SYTL5: variants seen among roughly 807,000 people sequenced by gnomAD.
SYTL5 encodes synaptotagmin like 5.
Under a neutral mutation model 55.9 loss-of-function variants are expected in SYTL5, and 34 were observed. The observed-to-expected ratio is 0.61, with a 90% confidence interval of 0.46 to 0.81. The LOEUF (loss-of-function observed/expected upper bound fraction) is 0.81. Among genes scored for constraint, SYTL5 ranks in the 30% least tolerant of loss-of-function variants. SYTL5 has a pLI of 0.00. For missense variants in SYTL5, 637 were observed against 546.7 expected (o/e 1.17, Z -1.65); for synonymous variants, 221 against 188.7 (o/e 1.17, Z -1.40).
At chrX:38,010,793 AGTTT>A (rs1288460368) in intron 1 of SYTL5, among the ~76,000 whole-genome samples, 4 of 111,854 alleles carry the variant, frequency 3.6e-5, no homozygotes, top group Admixed American at 9.5e-5. Flanking sequence ...CTTGGAGATT[AGTTT>A]GTTTGATTGT....
chrX:37,905,239 G>A, the SYTL5 span, among the ~76,000 whole-genome samples: 1 of 110,783 alleles, frequency 9.0e-6, no homozygotes, highest in African/African-American at 3.3e-5. Flanking sequence ...CAAGACCCAG[G>A]GGGGATATGA....
the SYTL5 span, among the ~76,000 whole-genome samples, chrX:37,939,933 C>T: frequency 1.8e-5 from 2 of 111,383 alleles, no homozygotes; most frequent in African/African-American, 3.3e-5. Flanking sequence ...CAGGTTCAAG[C>T]GATTCTCCTG....
chrX:38,092,714 C>T (rs142707047), intron 7 of SYTL5, among the ~76,000 whole-genome samples: 14,528 of 110,769 alleles, frequency 0.13, 796 homozygotes, highest in Middle Eastern at 0.17. Flanking sequence ...CCCTTACAGA[C>T]GCACCCAGAA....
At chrX:37,959,048 C>A in the SYTL5 span, among the ~76,000 whole-genome samples, 1 of 111,518 alleles carries the variant, frequency 9.0e-6, no homozygotes, top group African/African-American at 3.3e-5. Context: ...GAGTCTTATG[C>A]CTGCAGTTCT....
chrX:38,124,704 A>G (rs1937608684), intron 15 of SYTL5, among the ~76,000 whole-genome samples: 1 of 112,113 alleles, frequency 8.9e-6, no homozygotes, highest in Non-Finnish European at 1.9e-5. Context: ...GGGCAACTGG[A>G]GCATGATTCC....
At chrX:37,900,764 T>C in the SYTL5 span, among the ~76,000 whole-genome samples, 1 of 111,118 alleles carries the variant, frequency 9.0e-6, no homozygotes, top group Non-Finnish European at 1.9e-5. Context: ...TGTGTCCATC[T>C]CTGAAACAAT....
the SYTL5 span, among the ~76,000 whole-genome samples, chrX:37,900,496 G>A: frequency 8.9e-6 from 1 of 111,996 alleles, no homozygotes; most frequent in African/African-American, 3.2e-5. Flanking sequence ...CATGACTTTT[G>A]AAGGAGGCAG....
the SYTL5 span, among the ~76,000 whole-genome samples, chrX:37,914,260 G>A: frequency 3.1e-3 from 344 of 111,574 alleles, 1 homozygote; most frequent in African/African-American, 0.011. Context: ...TACATGTGAA[G>A]CAGGAACTCT....
chrX:37,899,734 A>C, the SYTL5 span, among the ~76,000 whole-genome samples: 1 of 111,611 alleles, frequency 9.0e-6, no homozygotes, highest in African/African-American at 3.3e-5. Context: ...GCTTCATTGT[A>C]ATTTTACTTG....
intron 9 of SYTL5, among the ~76,000 whole-genome samples, chrX:38,098,038 C>G (rs990030643): frequency 9.1e-6 from 1 of 110,432 alleles, no homozygotes; most frequent in Admixed American, 9.6e-5. Flanking sequence ...AATTAAGCAA[C>G]GCAAAATGGA....
At chrX:38,014,979 G>A (rs891085505) in intron 1 of SYTL5, among the ~76,000 whole-genome samples, 4 of 112,049 alleles carry the variant, frequency 3.6e-5, no homozygotes, top group African/African-American at 1.3e-4. Flanking sequence ...TTTGCCCAAT[G>A]CAGTTCCCAG....
intron 3 of SYTL5, among the ~76,000 whole-genome samples, chrX:38,071,175 G>A (rs1464703854): frequency 1.8e-5 from 2 of 111,743 alleles, no homozygotes; most frequent in Non-Finnish European, 3.8e-5. Flanking sequence ...TTACAACCCA[G>A]TCGAAATGAG....
chrX:37,993,763 TAAA>T, the SYTL5 span, among the ~76,000 whole-genome samples: 1 of 112,475 alleles, frequency 8.9e-6, no homozygotes, highest in African/African-American at 3.2e-5. Flanking sequence ...AGGCTAAACT[TAAA>T]GAACCTGGAG....
intron 13 of SYTL5, among the ~76,000 whole-genome samples, chrX:38,117,727 T>C (rs1412448355): frequency 8.9e-6 from 1 of 111,906 alleles, no homozygotes; most frequent in Admixed American, 9.5e-5. Context: ...TTACACATGA[T>C]GTTGACTGCT....
At chrX:38,055,414 C>T (rs1191373036) in intron 3 of SYTL5, among the ~76,000 whole-genome samples, 1 of 111,493 alleles carries the variant, frequency 9.0e-6, no homozygotes, top group Non-Finnish European at 1.9e-5. Flanking sequence ...GTCTCTACTG[C>T]TCCCCTCCTT....
chrX:37,927,682 A>G, the SYTL5 span, among the ~76,000 whole-genome samples: 1 of 111,281 alleles, frequency 9.0e-6, no homozygotes, highest in Non-Finnish European at 1.9e-5. Flanking sequence ...GGAGGCTGGC[A>G]GGAGAATTGC....
In SYTL5 at chrX:38,089,599, A is replaced by C. The variant is rs770161556; in HGVS notation, c.831+12A>C. On this transcript the variant is annotated intron_variant, in intron 7 of 16. Transcript: ENST00000297875. Reference sequence around the variant, plus strand: ...CAGTCATCAGTAGAGTAAGTACACAAACCTGATGAACACCGTATTAGTTCA... The same window carrying C: ...CAGTCATCAGTAGAGTAAGTACACACACCTGATGAACACCGTATTAGTTCA... 13 of 1,198,121 alleles carry C rather than the reference A, an allele frequency of 1.1e-5. No individual in the cohort carries two copies. The highest frequency in any genetic ancestry group is 2.2e-5 in the Admixed American group (1 of 44,662).
At chrX:37,913,766 TCTAA>T in the SYTL5 span, among the ~76,000 whole-genome samples, 1 of 112,317 alleles carries the variant, frequency 8.9e-6, no homozygotes, top group African/African-American at 3.2e-5. Context: ...TCTCAGAGGG[TCTAA>T]CTAAGTAGGA....
the SYTL5 span, among the ~76,000 whole-genome samples, chrX:37,988,308 G>T: frequency 8.9e-6 from 1 of 111,766 alleles, no homozygotes; most frequent in South Asian, 3.8e-4. Flanking sequence ...TCCCCAGAGG[G>T]AGTATGGCAA....
Sources: gnomAD v4.1 joint callset for allele counts (sites outside exome capture counted in the v4.1 genomes callset) on GRCh38, gnomAD v4.1.1 for gene constraint, MANE v1.5 for transcripts, NCBI Gene and HGNC (gene_info 2026-07-23, HGNC 2026-07-21) for gene names.